The following USH2A variants were observed in gnomAD, a reference collection of about 807,000 sequenced individuals.
USH2A encodes usherin.
A neutral mutation model predicts 538.9 loss-of-function variants in USH2A; 443 were observed. The observed-to-expected ratio is 0.82, with a 90% CI of 0.76 to 0.89. The LOEUF is 0.89. Ranked by LOEUF, USH2A falls within the 40% of genes least tolerant of loss-of-function variation. USH2A has a pLI of 0.00. For synonymous variants in USH2A, 2,413 were observed against 2,273.5 expected (o/e 1.06, Z -1.75); for missense variants, 6,633 against 6,324.8 (o/e 1.05, Z -1.65).
intron 15 of USH2A, among the ~76,000 whole-genome samples, chr1:216,213,496 A>T (rs1182380639): frequency 6.6e-6 from 1 of 152,070 alleles, no homozygotes; most frequent in Admixed American, 6.5e-5. Flanking sequence ...ATTTCAACAA[A>T]TGTTAATGGA....
chr1:215,648,010 C>T (rs1316052453), intron 66 of USH2A, among the ~76,000 whole-genome samples: 7 of 152,352 alleles, frequency 4.6e-5, no homozygotes, highest in African/African-American at 1.4e-4. Context: ...AGAGATAAGA[C>T]ATTTCCCTCT....
In USH2A at chr1:215,705,005, A is replaced by C. The variant is rs146133837; in HGVS notation, c.12066+23025T>G. On this transcript the variant is annotated intron_variant, in intron 61 of 71. Transcript: ENST00000307340. ...TCTATAGATGTCTGCGGAATGAATA[A>C]ATTATCTTTTATTTAAATACATTAT... Among the ~76,000 whole-genome samples, 6 of 152,328 alleles carry C rather than the reference A, an allele frequency of 3.9e-5. 1 individual carries two copies. In the East Asian group the frequency reaches 7.7e-4, roughly 20 times the overall value.
intron 3 of USH2A, among the ~76,000 whole-genome samples, chr1:216,409,752 G>A (rs527894592): frequency 9.2e-5 from 14 of 152,108 alleles, no homozygotes; most frequent in East Asian, 3.9e-4. Flanking sequence ...AGACTTAAAC[G>A]TAAAACCCAA....
chr1:216,363,892 T>C (rs1170044840), intron 4 of USH2A, among the ~76,000 whole-genome samples: 4 of 151,894 alleles, frequency 2.6e-5, no homozygotes, highest in Non-Finnish European at 5.9e-5. Flanking sequence ...AAAATGTATT[T>C]ATAACTATAT....
chr1:215,813,698 T>C, intron 49 of USH2A, 38 bp downstream of exon 49: 1 of 1,613,210 alleles, frequency 6.2e-7, no homozygotes, highest in Non-Finnish European at 8.5e-7. Flanking sequence ...GTTTTCAGGT[T>C]CCCATAGTTT....
chr1:215,945,596 G>A (rs1666739439), intron 37 of USH2A, among the ~76,000 whole-genome samples: 1 of 152,118 alleles, frequency 6.6e-6, no homozygotes, highest in South Asian at 2.1e-4. Context: ...GTTTGCTGAT[G>A]ATGTTATAGC....
chr1:216,191,943 T>C (rs2034724287), intron 19 of USH2A, among the ~76,000 whole-genome samples: 1 of 152,056 alleles, frequency 6.6e-6, no homozygotes. Context: ...CAGATGATTA[T>C]TATAAATTAC....
At chr1:216,227,569 G>A (rs970585794) in intron 14 of USH2A, among the ~76,000 whole-genome samples, 2 of 152,088 alleles carry the variant, frequency 1.3e-5, no homozygotes, top group Non-Finnish European at 2.9e-5. Context: ...AAAACAGGAA[G>A]GGATCATATC....
At chr1:216,260,019 A>T (rs2036337462) in intron 11 of USH2A, among the ~76,000 whole-genome samples, 1 of 152,148 alleles carries the variant, frequency 6.6e-6, no homozygotes, top group Non-Finnish European at 1.5e-5. Context: ...AAGAGGATCG[A>T]TTTAAAAAAG....
At chr1:215,944,579 G>A (rs1043752341) in intron 37 of USH2A, among the ~76,000 whole-genome samples, 4 of 152,152 alleles carry the variant, frequency 2.6e-5, no homozygotes, top group Admixed American at 2.0e-4. Flanking sequence ...AAAAGGAAAT[G>A]AAGCTGGACA....
chr1:215,845,136 A>G (rs146241609), intron 45 of USH2A, among the ~76,000 whole-genome samples: 106 of 152,260 alleles, frequency 7.0e-4, no homozygotes, highest in African/African-American at 2.4e-3. Context: ...ACCCATCTTA[A>G]CTAGTTGAAG....
chr1:216,294,449 C>T (rs1456717507), intron 9 of USH2A, among the ~76,000 whole-genome samples: 2 of 151,572 alleles, frequency 1.3e-5, no homozygotes, highest in Non-Finnish European at 2.9e-5. Flanking sequence ...TATAATTAAA[C>T]ATCATGTATT....
At chr1:215,882,247 G>A (rs554554499) in intron 41 of USH2A, among the ~76,000 whole-genome samples, 16 of 152,254 alleles carry the variant, frequency 1.1e-4, no homozygotes, top group African/African-American at 1.7e-4. Flanking sequence ...CCTTGCCATC[G>A]TGTGTAGACA....
At chr1:216,198,968 T>C (rs2034919831) in intron 17 of USH2A, among the ~76,000 whole-genome samples, 2 of 152,226 alleles carry the variant, frequency 1.3e-5, no homozygotes, top group East Asian at 3.8e-4. Context: ...TTGATCATTA[T>C]AGCTCCAGTC....
intron 15 of USH2A, among the ~76,000 whole-genome samples, chr1:216,210,672 T>C (rs2035220484): frequency 6.6e-6 from 1 of 152,114 alleles, no homozygotes; most frequent in Admixed American, 6.5e-5. Flanking sequence ...GTAGTGATGG[T>C]CTCAAGTAGT....
At chr1:216,272,895 G>A (rs1238440235) in intron 11 of USH2A, among the ~76,000 whole-genome samples, 2 of 152,012 alleles carry the variant, frequency 1.3e-5, no homozygotes, top group Non-Finnish European at 2.9e-5. Flanking sequence ...CTTAAATTAG[G>A]CAGTAAAAGT....
chr1:216,042,812 T>C (rs1277610899), intron 32 of USH2A, among the ~76,000 whole-genome samples: 1 of 152,004 alleles, frequency 6.6e-6, no homozygotes, highest in Non-Finnish European at 1.5e-5. Flanking sequence ...ATAAAATCTG[T>C]GGTCGTAAGA....
intron 61 of USH2A, among the ~76,000 whole-genome samples, chr1:215,705,518 T>C (rs1659159793): frequency 6.6e-6 from 1 of 152,222 alleles, no homozygotes; most frequent in Non-Finnish European, 1.5e-5. Flanking sequence ...GCATGCAATT[T>C]CAGAGACGGA....
intron 36 of USH2A, 88 bp downstream of exon 36, chr1:215,970,537 G>T: frequency 6.5e-7 from 1 of 1,540,900 alleles, no homozygotes; most frequent in Non-Finnish European, 9.0e-7. Flanking sequence ...GCTGTGCAGA[G>T]GGTGAGTCAC....
Sources: allele counts gnomAD v4.1 joint callset (sites outside exome capture counted in the v4.1 genomes callset), GRCh38; gene constraint gnomAD v4.1.1; transcripts MANE v1.5; gene names NCBI Gene and HGNC (gene_info 2026-07-23, HGNC 2026-07-21).